HSD17B12: variants seen among roughly 807,000 people sequenced by gnomAD.
HSD17B12 encodes very-long-chain 3-oxoacyl-CoA reductase.
HSD17B12 carries 32 observed loss-of-function variants against 39.3 expected under a neutral mutation model. The ratio of observed to expected loss-of-function variants is 0.81; its 90% CI spans 0.61 to 1.09. HSD17B12 has a LOEUF of 1.09. Among genes scored for constraint, HSD17B12 ranks in the 50% least tolerant of loss-of-function variants. The pLI is 0.00. For synonymous variants in HSD17B12, 150 were observed against 146.7 expected (o/e 1.02, Z -0.16); for missense variants, 342 against 382.9 (o/e 0.89, Z 0.89).
chr11:43,712,452 T>C (rs1043940954), intron 1 of HSD17B12, among the ~76,000 whole-genome samples: 4 of 151,860 alleles, frequency 2.6e-5, no homozygotes, highest in African/African-American at 4.8e-5. Flanking sequence ...ACCAAAAAGC[T>C]TGGTCTCCAC....
the HSD17B12 span, among the ~76,000 whole-genome samples, chr11:43,607,072 T>C: frequency 1.3e-5 from 2 of 152,214 alleles, no homozygotes; most frequent in Non-Finnish European, 2.9e-5. Flanking sequence ...TTAGCTCAGA[T>C]AGGAGTATAC....
At chr11:43,654,787 T>C in the HSD17B12 span, among the ~76,000 whole-genome samples, 193 of 152,364 alleles carry the variant, frequency 1.3e-3, no homozygotes, top group Non-Finnish European at 1.9e-3. Flanking sequence ...CATGCTGTTT[T>C]GGTTACTGTA....
the HSD17B12 span, among the ~76,000 whole-genome samples, chr11:43,576,138 C>T: frequency 2.6e-5 from 4 of 152,214 alleles, no homozygotes; most frequent in African/African-American, 9.6e-5. Flanking sequence ...CCAACGCCTT[C>T]TGCTCGGGGA....
chr11:43,639,051 G>C, the HSD17B12 span, among the ~76,000 whole-genome samples: 1 of 152,092 alleles, frequency 6.6e-6, no homozygotes, highest in Non-Finnish European at 1.5e-5. Flanking sequence ...AGCCCTGAGG[G>C]TGAATCAAAG....
At chr11:43,756,356 C>T (rs1950507734) in intron 3 of HSD17B12, among the ~76,000 whole-genome samples, 1 of 151,894 alleles carries the variant, frequency 6.6e-6, no homozygotes. Context: ...AAATGCAACC[C>T]CAAAGGGCCA....
chr11:43,719,633 T>A (rs997783360), intron 1 of HSD17B12, among the ~76,000 whole-genome samples: 4 of 151,374 alleles, frequency 2.6e-5, no homozygotes, highest in African/African-American at 9.7e-5. Flanking sequence ...AAAAAATATA[T>A]ATATATATAT....
chr11:43,704,353 A>G (rs192306573), intron 1 of HSD17B12, among the ~76,000 whole-genome samples: 2 of 152,314 alleles, frequency 1.3e-5, no homozygotes, highest in African/African-American at 2.4e-5. Flanking sequence ...ATTTTCAGTA[A>G]ATAAAAATGA....
the HSD17B12 span, among the ~76,000 whole-genome samples, chr11:43,559,933 G>C: frequency 6.6e-6 from 1 of 152,156 alleles, no homozygotes; most frequent in South Asian, 2.1e-4. Flanking sequence ...AAATGAACAC[G>C]TAGGGCCCCT....
chr11:43,782,097 G>A (rs1346072323), intron 3 of HSD17B12, among the ~76,000 whole-genome samples: 1 of 152,140 alleles, frequency 6.6e-6, no homozygotes, highest in Non-Finnish European at 1.5e-5. Flanking sequence ...TATATCATTA[G>A]CATGAAACTT....
chr11:43,610,517 G>A, the HSD17B12 span, among the ~76,000 whole-genome samples: 1 of 152,114 alleles, frequency 6.6e-6, no homozygotes, highest in African/African-American at 2.4e-5. Context: ...GAAAAATATG[G>A]ATTCAAACTC....
chr11:43,626,993 A>G, the HSD17B12 span, among the ~76,000 whole-genome samples: 1 of 152,006 alleles, frequency 6.6e-6, no homozygotes, highest in Non-Finnish European at 1.5e-5. Flanking sequence ...TGAGGTGCTG[A>G]AGGGTTACAT....
At chr11:43,786,447 G>C (rs1011491293) in intron 3 of HSD17B12, among the ~76,000 whole-genome samples, 3 of 152,170 alleles carry the variant, frequency 2.0e-5, no homozygotes, top group African/African-American at 7.2e-5. Context: ...CCACTGCTTT[G>C]ATTCTTGTTT....
At chr11:43,647,218 A>G in the HSD17B12 span, among the ~76,000 whole-genome samples, 1 of 152,142 alleles carries the variant, frequency 6.6e-6, no homozygotes, top group Admixed American at 6.5e-5. Context: ...GCCTTTACTC[A>G]GGTTCTTTCT....
chr11:43,681,358 G>T (rs1949742660), intron 1 of HSD17B12: 1 of 187,838 alleles, frequency 5.3e-6, no homozygotes, highest in Admixed American at 5.8e-5. Context: ...TTCGCCCCTT[G>T]TAAGTGTTTT....
intron 9 of HSD17B12, among the ~76,000 whole-genome samples, chr11:43,840,551 C>T (rs528453953): frequency 2.6e-5 from 4 of 151,982 alleles, no homozygotes; most frequent in South Asian, 4.1e-4. Context: ...ATTTCCCCTT[C>T]CCTCCAGCCC....
At chr11:43,734,104 G>A (rs1950294385) in intron 1 of HSD17B12, 15 of 1,164,520 alleles carry the variant, frequency 1.3e-5, no homozygotes, top group East Asian at 7.1e-5. Flanking sequence ...TATGATGAGC[G>A]TGTGCTGCCG....
intron 4 of HSD17B12, among the ~76,000 whole-genome samples, chr11:43,811,899 A>G (rs1951076915): frequency 2.0e-5 from 3 of 152,074 alleles, no homozygotes; most frequent in South Asian, 2.1e-4. Flanking sequence ...ACCTTCTGGT[A>G]TCTATTATTC....
At chr11:43,583,575 G>C in the HSD17B12 span, among the ~76,000 whole-genome samples, 10 of 152,224 alleles carry the variant, frequency 6.6e-5, no homozygotes, top group African/African-American at 2.2e-4. Flanking sequence ...GTGGCTTTTG[G>C]TGTCTTTCCT....
intron 6 of HSD17B12, among the ~76,000 whole-genome samples, chr11:43,826,114 A>C (rs1951235717): frequency 7.5e-6 from 1 of 132,592 alleles, no homozygotes; most frequent in Non-Finnish European, 1.5e-5. Flanking sequence ...ACGGAGTCTC[A>C]CTCTGTCGCC....
Sources: allele counts gnomAD v4.1 joint callset (sites outside exome capture counted in the v4.1 genomes callset), GRCh38; gene constraint gnomAD v4.1.1; transcripts MANE v1.5; gene names NCBI Gene and HGNC (gene_info 2026-07-23, HGNC 2026-07-21).